PPP1R1C: variants seen among roughly 807,000 people sequenced by gnomAD.
PPP1R1C encodes protein phosphatase 1 regulatory subunit 1C.
A neutral mutation model predicts 17.4 loss-of-function variants in PPP1R1C; 15 were observed. The observed-to-expected ratio is 0.86, with a 90% CI of 0.58 to 1.33. The LOEUF (loss-of-function observed/expected upper bound fraction) is 1.33. Ranked by LOEUF, PPP1R1C falls within the 40% of genes most tolerant of loss-of-function variation. The pLI, the probability that PPP1R1C is intolerant of heterozygous loss-of-function variation, is 0.00. For missense variants in PPP1R1C, 143 were observed against 130.0 expected (o/e 1.10, Z -0.48); for synonymous variants, 35 against 43.1 (o/e 0.81, Z 0.73).
chr2:181,954,852 T>A (rs897370578), intron 1 of PPP1R1C, among the ~76,000 whole-genome samples: 2 of 152,174 alleles, frequency 1.3e-5, no homozygotes, highest in African/African-American at 4.8e-5. Flanking sequence ...AAGAGAGATT[T>A]TTTTTCCCTA....
chr2:181,955,418 G>A (rs186170367), intron 1 of PPP1R1C, among the ~76,000 whole-genome samples: 3 of 152,250 alleles, frequency 2.0e-5, no homozygotes, highest in East Asian at 1.9e-4. Context: ...GGCCATGTGC[G>A]TGTGTTTAAA....
chr2:182,005,583 A>G (rs1685895826), intron 2 of PPP1R1C, among the ~76,000 whole-genome samples: 1 of 152,240 alleles, frequency 6.6e-6, no homozygotes, highest in African/African-American at 2.4e-5. Context: ...AGTTAGAAGT[A>G]GCAAATTGTT....
At chr2:182,121,696 G>C (rs559118319), downstream of PPP1R1C, among the ~76,000 whole-genome samples, 4 of 151,988 alleles carry the variant, frequency 2.6e-5, no homozygotes, top group African/African-American at 9.6e-5. Flanking sequence ...TAGAGACGGG[G>C]TTTCGCCATA....
chr2:182,060,649 A>G (rs960268811), intron 2 of PPP1R1C, among the ~76,000 whole-genome samples: 3 of 152,102 alleles, frequency 2.0e-5, no homozygotes, highest in African/African-American at 4.8e-5. Context: ...ACAGATCTAC[A>G]TCATTGTCTT....
chr2:182,103,738 C>T (rs1442088559), intron 4 of PPP1R1C: 1 of 152,152 alleles, frequency 6.6e-6, no homozygotes, highest in Non-Finnish European at 1.5e-5. Flanking sequence ...GGATGAAAAG[C>T]AGAACAATCT....
intron 4 of PPP1R1C, chr2:182,103,462 TGTAAAAA>T (rs1211969624): frequency 6.6e-6 from 1 of 152,182 alleles, no homozygotes; most frequent in Non-Finnish European, 1.5e-5. Context: ...TTAAAATCTA[TGTAAAAA>T]GAAGAGAGGC....
At chr2:181,968,474 G>C (rs1406524009) in intron 1 of PPP1R1C, among the ~76,000 whole-genome samples, 1 of 151,954 alleles carries the variant, frequency 6.6e-6, no homozygotes, top group Non-Finnish European at 1.5e-5. Context: ...TATAGTTTTT[G>C]TCTTGAAGTC....
At chr2:182,086,430 T>C (rs1265320286) in intron 4 of PPP1R1C, among the ~76,000 whole-genome samples, 1 of 152,154 alleles carries the variant, frequency 6.6e-6, no homozygotes, top group Non-Finnish European at 1.5e-5. Context: ...ACTCATGCAT[T>C]GTTACAGAAA....
intron 4 of PPP1R1C, among the ~76,000 whole-genome samples, chr2:182,110,172 T>C (rs1036641092): frequency 6.6e-6 from 1 of 152,162 alleles, no homozygotes; most frequent in African/African-American, 2.4e-5. Context: ...ATGGATATAC[T>C]ATCTACTCTG....
rs947164099 is a variant in PPP1R1C, at chr2:182,084,252, G to A, written c.241+20461G>A. Among the ~76,000 whole-genome samples the A allele has an allele frequency of 1.2e-4, 19 of 152,092 alleles. 1 individual carries two copies. Among genetic ancestry groups the A allele is most frequent in the Admixed American group, 1.2e-3 (18 of 15,270 alleles). Reference sequence around the variant, plus strand: ...CTCTGATAATTATTTCTTTTTCTGTGCAGGAGCTTTTTAGTTTAATTAGGT... The same window carrying A: ...CTCTGATAATTATTTCTTTTTCTGTACAGGAGCTTTTTAGTTTAATTAGGT... On this transcript the variant is annotated intron_variant, in intron 4 of 4. Coordinates refer to ENST00000682840, the MANE Select transcript of PPP1R1C (RefSeq NM_001080545.3).
intron 2 of PPP1R1C, among the ~76,000 whole-genome samples, chr2:182,008,037 C>T (rs560936744): frequency 2.0e-5 from 3 of 151,566 alleles, no homozygotes; most frequent in East Asian, 1.9e-4. Flanking sequence ...CACTGCACTC[C>T]GGCCTGGGCG....
intron 2 of PPP1R1C, among the ~76,000 whole-genome samples, chr2:182,014,472 G>A (rs1686193682): frequency 6.6e-6 from 1 of 151,996 alleles, no homozygotes; most frequent in South Asian, 2.1e-4. Flanking sequence ...GCCACCACTG[G>A]GACTGCACTG....
chr2:182,090,267 C>T (rs991461366), intron 4 of PPP1R1C, among the ~76,000 whole-genome samples: 3 of 142,952 alleles, frequency 2.1e-5, no homozygotes, highest in Non-Finnish European at 4.5e-5. Context: ...TACAGTTAAA[C>T]AATTCTCTTG....
Position 181,962,261 on chromosome 2 carries a change from C to T in PPP1R1C, n.111+7627C>T. ...CTTCTTATTCTGGATGCCTCCCATT[C>T]CTGCCAGACCCCCGGCCATCCCCGC... On this transcript the variant is annotated intron_variant and non_coding_transcript_variant, in intron 1 of 5. Coordinates refer to the PPP1R1C transcript ENST00000464264. This position sits in a 1 kb window ranked among gnomAD's most constrained non-coding sequence, Gnocchi z 6.0. The T allele has an allele frequency of 1.4e-6, 1 of 735,042 alleles. No individual in the cohort carries two copies. 45.5% of individuals were successfully genotyped at this position (735,042 alleles called of 1,614,324 possible).
chr2:182,008,088 T>A (rs11889097), intron 2 of PPP1R1C, among the ~76,000 whole-genome samples: 2,713 of 128,554 alleles, frequency 0.021, 86 homozygotes, highest in African/African-American at 0.065. Flanking sequence ...AACAAATAAA[T>A]AAAAAAATAA....
At position 182,054,170 on chromosome 2, in the gene PPP1R1C, T is replaced by G. The variant is rs553896819; in HGVS notation, c.143-7272T>G. Among the ~76,000 whole-genome samples the G allele has an allele frequency of 2.6e-4, 40 of 152,352 alleles. No individual in the cohort carries two copies. The East Asian group carries it at 4.0e-3, about 15-fold the overall frequency. On this transcript the variant is annotated intron_variant, in intron 2 of 4. Transcript: ENST00000682840. ...TTGAATTTTTGTTGTCATAATTTGT[T>G]TCTTTTAACTTTTAATTTGGAAATA...
At chr2:181,958,135 A>G (rs1684701482) in intron 1 of PPP1R1C, among the ~76,000 whole-genome samples, 2 of 152,214 alleles carry the variant, frequency 1.3e-5, no homozygotes, top group African/African-American at 4.8e-5. Flanking sequence ...AGCGCTCCCA[A>G]GAAAAATCAG....
At chr2:182,008,088 T>TTAAA (rs1553502666) in intron 2 of PPP1R1C, among the ~76,000 whole-genome samples, 1 of 128,486 alleles carries the variant, frequency 7.8e-6, no homozygotes, top group Admixed American at 7.2e-5. Flanking sequence ...AACAAATAAA[T>TTAAA]AAAAAAATAA....
At chr2:181,977,473 C>T (rs1378002560) in intron 2 of PPP1R1C, among the ~76,000 whole-genome samples, 1 of 151,960 alleles carries the variant, frequency 6.6e-6, no homozygotes, top group East Asian at 1.9e-4. Context: ...CTTTGCATTC[C>T]ACAAACTGCT....
Sources: allele counts gnomAD v4.1 joint callset (sites outside exome capture counted in the v4.1 genomes callset), GRCh38; gene constraint gnomAD v4.1.1; non-coding constraint Gnocchi (gnomAD v3.1); transcripts MANE v1.5; gene names NCBI Gene and HGNC (gene_info 2026-07-23, HGNC 2026-07-21).